Variants in JAK1 observed in about 807,000 individuals in gnomAD.
JAK1 encodes Janus kinase 1.
In JAK1, 16 loss-of-function variants were observed where a neutral mutation model predicts 136.6. The observed-to-expected ratio is 0.12, with a 90% confidence interval of 0.08 to 0.18. The LOEUF (loss-of-function observed/expected upper bound fraction) is 0.18. Ranked by LOEUF, JAK1 falls within the 10% of genes least tolerant of loss-of-function variation. The pLI, the probability that JAK1 is intolerant of heterozygous loss-of-function variation, is 1.00. For synonymous variants in JAK1, 492 were observed against 519.5 expected, an observed-to-expected ratio of 0.95 and a Z score of 0.72; for missense variants, 859 against 1,450.1, an observed-to-expected ratio of 0.59 and a Z score of 6.62.
At chr1:65,018,821 T>C (rs960595613) in intron 2 of JAK1, among the ~76,000 whole-genome samples, 3 of 151,970 alleles carry the variant, frequency 2.0e-5, no homozygotes, top group African/African-American at 7.2e-5. Context: ...CCATCCTGGC[T>C]AACACGGTGA....
At chr1:64,918,654 G>GAA (rs1161546525) in intron 1 of JAK1, 1 of 191,998 alleles carries the variant, frequency 5.2e-6, no homozygotes, top group Non-Finnish European at 1.1e-5. Context: ...GTGGATTACA[G>GAA]TAAACTGAAG....
chr1:64,844,800 G>C lies in JAK1; in HGVS notation c.2205C>G (p.Ile735Met), dbSNP rs751933525. Residue 735 changes from isoleucine to methionine, a missense_variant, in exon 16 of 25, where the codon ATC (isoleucine) becomes ATG (methionine). Around this residue, in one of 4 missense-constraint regions of JAK1, gnomAD observed 409 missense variants for 753.8 expected, o/e 0.54. Transcript: ENST00000342505. The surrounding 1 kb of genome is among the most constrained non-coding windows in gnomAD (Gnocchi z 5.7). ...EGIDSECGPF[I>M]KLSDPGIPIT... ...TGGGGATGCCGGGGTCACTGAGCTT[G>C]ATGAATGGGCCACACTCACTGTCGA... 9.3e-6 allele frequency: 15 copies of C among 1,614,086 alleles called. No homozygotes were observed. The highest frequency in any genetic ancestry group is 6.7e-5 in the Admixed American group (4 of 60,012).
rs982067177 is a variant in JAK1, at chr1:65,055,166, C to A, written c.-180-10584G>T. On this transcript the variant is annotated intron_variant, in intron 1 of 25. Transcript: ENST00000671954. ...ATTAAACACTAACTCTCCATTCCCCCCTCTCCCCCAGCTCCTGGCAACCAT... is the reference window on the plus strand; with the variant it reads ...ATTAAACACTAACTCTCCATTCCCCACTCTCCCCCAGCTCCTGGCAACCAT... 1.2e-4 allele frequency among the ~76,000 whole-genome samples: 18 copies of A among 152,282 alleles called. 2 individuals are homozygous for A. The East Asian group carries it at 3.5e-3, about 29-fold the overall frequency.
intron 2 of JAK1, among the ~76,000 whole-genome samples, chr1:65,032,558 C>A (rs1647033257): frequency 6.6e-6 from 1 of 152,194 alleles, no homozygotes. Context: ...AATGAATCCA[C>A]TCAAAATAAT....
intron 2 of JAK1, among the ~76,000 whole-genome samples, chr1:65,028,110 T>G (rs1477001535): frequency 6.6e-6 from 1 of 152,154 alleles, no homozygotes; most frequent in Non-Finnish European, 1.5e-5. Flanking sequence ...TTAGGTTTCT[T>G]GTCTGAAATA....
intron 1 of JAK1, among the ~76,000 whole-genome samples, chr1:64,897,885 A>G (rs527602632): frequency 1.1e-3 from 169 of 152,202 alleles, no homozygotes; most frequent in African/African-American, 3.9e-3. Context: ...TGTAAAAATA[A>G]TGTCCTTCTT....
chr1:64,989,596 C>G (rs1381546593), intron 2 of JAK1: 3 of 152,086 alleles, frequency 2.0e-5, no homozygotes, highest in African/African-American at 7.2e-5. Flanking sequence ...CTCTGTTTGC[C>G]TAACTCTGAA....
At chr1:64,916,834 C>T (rs888912416) in intron 1 of JAK1, among the ~76,000 whole-genome samples, 7 of 119,198 alleles carry the variant, frequency 5.9e-5, no homozygotes, top group Non-Finnish European at 1.4e-4. Flanking sequence ...GAGTGAGACC[C>T]TTTCTCAAAA....
chr1:64,926,658 A>G (rs1005672034), intron 1 of JAK1, among the ~76,000 whole-genome samples: 1 of 152,044 alleles, frequency 6.6e-6, no homozygotes, highest in Non-Finnish European at 1.5e-5. Context: ...TGTTTAATCC[A>G]CATATTAGTT....
chr1:64,902,754 T>A (rs71647470), intron 1 of JAK1, among the ~76,000 whole-genome samples: 252 of 152,172 alleles, frequency 1.7e-3, no homozygotes, highest in Non-Finnish European at 3.1e-3. Context: ...CAGACCCCAA[T>A]ACGCAGTGGT....
At chr1:64,994,955 C>A (rs1557748964) in intron 2 of JAK1, 1 of 104,492 alleles carries the variant, frequency 9.6e-6, no homozygotes. Context: ...TTGGTAATTC[C>A]TAAACTGCAA....
intron 1 of JAK1, among the ~76,000 whole-genome samples, chr1:64,964,725 A>G (rs1276316820): frequency 6.6e-6 from 1 of 152,196 alleles, no homozygotes; most frequent in Non-Finnish European, 1.5e-5. Flanking sequence ...AGTTAATATG[A>G]TATACAGAAT....
chr1:64,845,882 A>G (rs557447637), intron 14 of JAK1, among the ~76,000 whole-genome samples: 5 of 152,306 alleles, frequency 3.3e-5, no homozygotes, highest in African/African-American at 1.2e-4. Context: ...CTCATCTGTA[A>G]TAACAGATGG....
chr1:64,854,637 T>C (rs1655805756), intron 11 of JAK1, among the ~76,000 whole-genome samples: 1 of 151,978 alleles, frequency 6.6e-6, no homozygotes, highest in Admixed American at 6.6e-5. Flanking sequence ...AGAACATCAG[T>C]GACGCCATTC....
At chr1:64,933,094 G>A (rs1645726847) in intron 1 of JAK1, among the ~76,000 whole-genome samples, 1 of 152,030 alleles carries the variant, frequency 6.6e-6, no homozygotes, top group Admixed American at 6.6e-5. Context: ...AGCTATACGT[G>A]CCAGGCATCA....
At position 64,925,357 on chromosome 1, in the gene JAK1, T is replaced by C. The variant is rs559615764; in HGVS notation, c.-77-39016A>G. Among the ~76,000 whole-genome samples, 223 of 151,992 alleles carry C rather than the reference T, an allele frequency of 1.5e-3. 1 individual carries two copies. The highest frequency in any genetic ancestry group is 4.9e-3 in the African/African-American group (203 of 41,446). ...CAGGAAGTGAGCCAAGATTGCACCA[T>C]TGCACACCAGCCTGGGAGACAAGAG... On this transcript the variant is annotated intron_variant, in intron 1 of 24. Coordinates refer to ENST00000342505, the MANE Select transcript of JAK1 (RefSeq NM_002227.4).
At chr1:64,845,722 A>T in intron 14 of JAK1, 82 bp from the exon 15 acceptor site, 3 of 1,525,734 alleles carry the variant, frequency 2.0e-6, no homozygotes, top group Admixed American at 1.7e-5. Flanking sequence ...AGTCCACTTC[A>T]GTGGACACTA....
In JAK1 at chr1:64,860,155, G is replaced by C. The variant is rs754433473; in HGVS notation, c.1284C>G (p.Ala428=). 6.2e-7 allele frequency: 1 copy of C among 1,604,346 alleles called. No individual in the cohort carries two copies. The highest frequency in any genetic ancestry group is 8.5e-7 in the Non-Finnish European group (1 of 1,173,278). The stretch of plus-strand genomic sequence containing the variant: ...GTATGTTGTGGACGATCAACGGGGG[G>C]GCCACGTCGGTGCAGAGGTAATGAT... ...DAHHYLCTDV[A]PPLIVHNIQN... is the part of the protein sequence containing the mutation. The change falls in exon 9 of 25, where the codon GCC becomes GCG. Residue 428 remains alanine, a synonymous_variant. Transcript: ENST00000342505.
chr1:64,902,547 T>C (rs1378545305), intron 1 of JAK1, among the ~76,000 whole-genome samples: 2 of 76,196 alleles, frequency 2.6e-5, no homozygotes, highest in African/African-American at 1.6e-4. Flanking sequence ...TACTCATGAA[T>C]TTGTGAGAGA....
Sources: allele counts gnomAD v4.1 joint callset (sites outside exome capture counted in the v4.1 genomes callset), GRCh38; gene constraint gnomAD v4.1.1; regional missense constraint gnomAD v4.1.1; non-coding constraint Gnocchi (gnomAD v3.1); transcripts MANE v1.5; gene names NCBI Gene and HGNC (gene_info 2026-07-23, HGNC 2026-07-21).